NIPBL: variants seen among roughly 807,000 people sequenced by gnomAD.
The protein encoded by NIPBL is nipped-B-like protein.
Under a neutral mutation model 321.8 loss-of-function variants are expected in NIPBL, and 19 were observed. The observed-to-expected ratio is 0.06, with a 90% confidence interval of 0.04 to 0.09. The LOEUF is 0.09. Ranked by LOEUF, NIPBL falls within the 10% of genes least tolerant of loss-of-function variation. The pLI, the probability that NIPBL is intolerant of heterozygous loss-of-function variation, is 1.00. For synonymous variants in NIPBL, 1,106 were observed against 1,114.1 expected (o/e 0.99, Z 0.14); for missense variants, 2,210 against 3,327.0 (o/e 0.66, Z 8.26).
chr5:37,042,306 G>A lies in NIPBL; in HGVS notation c.6109-2041G>A, dbSNP rs529086522. Reference sequence around the variant, plus strand: ...AAAAATTAGCCAAGCATGGTGGTGCGCACCTATAGTCCCAGCTCCTCGACA... The same window carrying A: ...AAAAATTAGCCAAGCATGGTGGTGCACACCTATAGTCCCAGCTCCTCGACA... On this transcript the variant is annotated intron_variant, in intron 34 of 46. Coordinates refer to ENST00000282516, the MANE Select transcript of NIPBL (RefSeq NM_133433.4). Among the ~76,000 whole-genome samples the A allele has an allele frequency of 2.0e-4, 31 of 151,766 alleles. No individual in the cohort carries two copies. The South Asian group carries it at 5.0e-3, about 25-fold the overall frequency.
intron 1 of NIPBL, among the ~76,000 whole-genome samples, chr5:36,891,204 G>A (rs892095509): frequency 3.9e-5 from 6 of 152,140 alleles, no homozygotes; most frequent in Non-Finnish European, 7.4e-5. Flanking sequence ...GGCAGAGCTT[G>A]CAGTGAGCCA....
At chr5:36,975,740 A>G in intron 8 of NIPBL, 36 bp from the exon 9 acceptor site, 1 of 1,606,624 alleles carries the variant, frequency 6.2e-7, no homozygotes, top group Non-Finnish European at 8.5e-7. Flanking sequence ...ATGTGAAACC[A>G]CCACAACTGT....
At chr5:36,940,755 T>A (rs888091988) in intron 1 of NIPBL, among the ~76,000 whole-genome samples, 2 of 152,148 alleles carry the variant, frequency 1.3e-5, no homozygotes, top group Non-Finnish European at 2.9e-5. Context: ...CTGTAATTAT[T>A]GTCTTAAAAT....
chr5:37,008,974 C>A (rs1489813644), intron 20 of NIPBL, among the ~76,000 whole-genome samples: 2 of 152,134 alleles, frequency 1.3e-5, no homozygotes, highest in Non-Finnish European at 2.9e-5. Context: ...ACATTTTAGG[C>A]CATATAACAC....
intron 41 of NIPBL, 59 bp downstream of exon 41, chr5:37,051,945 C>A: frequency 1.7e-6 from 2 of 1,191,056 alleles, no homozygotes; most frequent in Non-Finnish European, 2.5e-6. Flanking sequence ...TAAAGCATTT[C>A]TTTGATAAAT....
chr5:37,023,984 G>A (rs745399234), intron 29 of NIPBL, among the ~76,000 whole-genome samples: 6 of 151,702 alleles, frequency 4.0e-5, no homozygotes, highest in Non-Finnish European at 8.8e-5. Context: ...TGACAACATG[G>A]TGAAACACTG....
chr5:37,049,158 T>A lies in NIPBL; in HGVS notation c.6811T>A (p.Ser2271Thr). 2 of 1,614,172 alleles carry A rather than the reference T, an allele frequency of 1.2e-6. 1 individual carries two copies. Among genetic ancestry groups the A allele is most frequent in the South Asian group, 2.2e-5 (2 of 91,088 alleles). The change falls in exon 40 of 47, where the codon TCC becomes ACC. Residue 2271 changes from serine to threonine, a missense_variant. Coordinates refer to ENST00000282516, the MANE Select transcript of NIPBL (RefSeq NM_133433.4). ...AGACTTAAAAGAAATGGGTGATGTT[T>A]CCTCAGGGATGAGTAGTTCCATCAT... is the stretch of plus-strand genomic sequence containing the variant. The part of the protein sequence containing the change: ...QEDLKEMGDV[S>T]SGMSSSIMQL...
At position 36,901,718 on chromosome 5, in the gene NIPBL, AGGCTGGTCTCGAACTCCT is replaced by A. The variant is rs1747240353; in HGVS notation, c.-80+24542_-80+24559del. Among the ~76,000 whole-genome samples the A allele has an allele frequency of 2.6e-5, 4 of 152,178 alleles. No homozygotes were observed. In the South Asian group the frequency reaches 8.3e-4, roughly 32 times the overall value. ...GAGAGGGGGTTTCCCCATGTTGGTC[AGGCTGGTCTCGAACTCCT>A]GACCTCAAGTGATCCACCCCCCTCT... On this transcript the variant is annotated intron_variant, in intron 1 of 46. Coordinates refer to ENST00000282516, the MANE Select transcript of NIPBL (RefSeq NM_133433.4).
chr5:36,921,445 T>C (rs964804104), intron 1 of NIPBL, among the ~76,000 whole-genome samples: 3 of 152,216 alleles, frequency 2.0e-5, no homozygotes, highest in Non-Finnish European at 4.4e-5. Context: ...TACAATTCTG[T>C]GCCTGTCTTC....
chr5:36,900,795 T>C lies in NIPBL; in HGVS notation c.-80+23617T>C, dbSNP rs535583667. Among the ~76,000 whole-genome samples the C allele has an allele frequency of 5.9e-5, 9 of 152,326 alleles. No individual in the cohort carries two copies. In the East Asian group the frequency reaches 1.5e-3, roughly 26 times the overall value. ...CAATTTCATTTACATTGCATGATTT[T>C]TTTTCCTTTGCCTTGGAATACCGCT... On this transcript the variant is annotated intron_variant, in intron 1 of 46. Coordinates refer to ENST00000282516, the MANE Select transcript of NIPBL (RefSeq NM_133433.4).
At chr5:36,918,920 G>A (rs958853185) in intron 1 of NIPBL, among the ~76,000 whole-genome samples, 5 of 152,034 alleles carry the variant, frequency 3.3e-5, no homozygotes, top group Admixed American at 2.0e-4. Context: ...TGCTGGATTC[G>A]CTTTGCCAAT....
At chr5:36,979,099 G>C (rs975569332) in intron 9 of NIPBL, among the ~76,000 whole-genome samples, 2 of 151,650 alleles carry the variant, frequency 1.3e-5, no homozygotes, top group Non-Finnish European at 3.0e-5. Context: ...ATAAATTTTA[G>C]GATAGTTTTT....
chr5:36,907,245 G>T (rs150013589), intron 1 of NIPBL, among the ~76,000 whole-genome samples: 1 of 152,080 alleles, frequency 6.6e-6, no homozygotes. Context: ...TATAGACTTA[G>T]TTGTTGCGAT....
At chr5:36,977,943 A>T (rs999831000) in intron 9 of NIPBL, among the ~76,000 whole-genome samples, 4 of 151,884 alleles carry the variant, frequency 2.6e-5, no homozygotes, top group Non-Finnish European at 5.9e-5. Context: ...ACATGATTTC[A>T]TTCTTCTTTA....
intron 8 of NIPBL, among the ~76,000 whole-genome samples, chr5:36,974,461 A>G: frequency 6.6e-6 from 1 of 152,190 alleles, no homozygotes; most frequent in Admixed American, 6.5e-5. Flanking sequence ...ACTTAGACAA[A>G]TCTTGTTTTA....
chr5:37,061,337 C>T (rs936898774), intron 45 of NIPBL, among the ~76,000 whole-genome samples: 1 of 151,944 alleles, frequency 6.6e-6, no homozygotes. Flanking sequence ...GGTTCCAGTC[C>T]CCCCATGGAT....
chr5:37,052,830 G>C (rs111705917), intron 42 of NIPBL, among the ~76,000 whole-genome samples: 224 of 152,204 alleles, frequency 1.5e-3, no homozygotes, highest in Non-Finnish European at 2.5e-3. Context: ...TTCTGTAAGC[G>C]TATCTTTAAA....
chr5:37,059,210 A>G, intron 44 of NIPBL, 45 bp downstream of exon 44: 1 of 1,602,994 alleles, frequency 6.2e-7, no homozygotes, highest in Non-Finnish European at 8.5e-7. Context: ...ACTCTGTTCA[A>G]ATAATAAATA....
chr5:36,890,577 G>A (rs148894872), intron 1 of NIPBL, among the ~76,000 whole-genome samples: 194 of 152,140 alleles, frequency 1.3e-3, no homozygotes, highest in African/African-American at 4.5e-3. Flanking sequence ...CTTTTCAAAC[G>A]GTGTATATCA....
Sources: allele counts gnomAD v4.1 joint callset (sites outside exome capture counted in the v4.1 genomes callset), GRCh38; gene constraint gnomAD v4.1.1; transcripts MANE v1.5; gene names NCBI Gene and HGNC (gene_info 2026-07-23, HGNC 2026-07-21).